Variants in CDC42SE2 observed in about 807,000 individuals in gnomAD.
CDC42SE2 encodes CDC42 small effector 2.
A neutral mutation model predicts 11.5 loss-of-function variants in CDC42SE2; 3 were observed. The observed-to-expected ratio is 0.26, with a 90% CI of 0.12 to 0.67. The LOEUF is 0.67. Among genes scored for constraint, CDC42SE2 ranks in the 30% least tolerant of loss-of-function variants. The pLI, the probability that CDC42SE2 is intolerant of heterozygous loss-of-function variation, is 0.80. For missense variants in CDC42SE2, 82 were observed against 106.8 expected, an observed-to-expected ratio of 0.77 and a Z score of 1.02; for synonymous variants, 33 against 34.8, an observed-to-expected ratio of 0.95 and a Z score of 0.18.
At chr5:131,306,235 C>T (rs1357677079) in intron 1 of CDC42SE2, among the ~76,000 whole-genome samples, 1 of 152,132 alleles carries the variant, frequency 6.6e-6, no homozygotes, top group Non-Finnish European at 1.5e-5. Context: ...TCATTAGTCA[C>T]TTAATAGCTG....
intron 2 of CDC42SE2, among the ~76,000 whole-genome samples, chr5:131,319,833 C>T (rs112341930): frequency 0.051 from 7,701 of 151,774 alleles, 274 homozygotes; most frequent in Non-Finnish European, 0.08. Flanking sequence ...AGGCGGATCA[C>T]GAGGTCAGGA....
chr5:131,258,667 A>G (rs1179929103), intron 2 of CDC42SE2, among the ~76,000 whole-genome samples: 1 of 152,076 alleles, frequency 6.6e-6, no homozygotes, highest in African/African-American at 2.4e-5. Context: ...CATCTCCCAC[A>G]CCACGAGAGG....
At chr5:131,343,467 C>T (rs769078419) in intron 2 of CDC42SE2, among the ~76,000 whole-genome samples, 2 of 152,066 alleles carry the variant, frequency 1.3e-5, no homozygotes, top group Non-Finnish European at 2.9e-5. Context: ...AATTCCAGCA[C>T]CGTGGGAGGC....
At chr5:131,315,520 G>C (rs1431596392) in intron 1 of CDC42SE2, among the ~76,000 whole-genome samples, 1 of 152,196 alleles carries the variant, frequency 6.6e-6, no homozygotes, top group Non-Finnish European at 1.5e-5. Flanking sequence ...GAACTGCAGA[G>C]TCCCATCCAC....
chr5:131,300,782 C>CAA (rs1436586334), intron 1 of CDC42SE2, among the ~76,000 whole-genome samples: 21 of 87,386 alleles, frequency 2.4e-4, no homozygotes, highest in Non-Finnish European at 4.7e-4. Flanking sequence ...GACTCCGTCT[C>CAA]AAAAAAAAAA....
chr5:131,350,637 G>GTGTGTA (rs147203202), intron 2 of CDC42SE2, among the ~76,000 whole-genome samples: 1,780 of 147,650 alleles, frequency 0.012, 50 homozygotes, highest in Admixed American at 0.057. Flanking sequence ...GTGTGTGTGT[G>GTGTGTA]TATATATATA....
intron 1 of CDC42SE2, among the ~76,000 whole-genome samples, chr5:131,288,195 GC>G (rs1268152637): frequency 2.6e-5 from 4 of 151,748 alleles, no homozygotes; most frequent in Non-Finnish European, 5.9e-5. Context: ...CTACACTCCA[GC>G]CTGGGTGACA....
intron 1 of CDC42SE2, among the ~76,000 whole-genome samples, chr5:131,312,224 C>A (rs1305066484): frequency 6.6e-6 from 1 of 150,512 alleles, no homozygotes; most frequent in Non-Finnish European, 1.5e-5. Context: ...CAGTGTGCCC[C>A]TGCTGGGGGG....
At chr5:131,333,340 T>C (rs1580759782) in intron 2 of CDC42SE2, among the ~76,000 whole-genome samples, 1 of 152,220 alleles carries the variant, frequency 6.6e-6, no homozygotes, top group South Asian at 2.1e-4. Flanking sequence ...TCTGTTTTGG[T>C]ACCAGTACCA....
chr5:131,284,339 A>AC (rs1757298531), intron 1 of CDC42SE2, among the ~76,000 whole-genome samples: 1 of 152,238 alleles, frequency 6.6e-6, no homozygotes, highest in Admixed American at 6.5e-5. Flanking sequence ...TAAATTAGGT[A>AC]CATCTGCATA....
intron 2 of CDC42SE2, among the ~76,000 whole-genome samples, chr5:131,258,443 G>C (rs1022748490): frequency 6.6e-6 from 1 of 152,108 alleles, no homozygotes. Flanking sequence ...TCTGTAACTT[G>C]ACATAGCAGA....
chr5:131,335,962 A>G (rs982176795), intron 2 of CDC42SE2, among the ~76,000 whole-genome samples: 1 of 152,144 alleles, frequency 6.6e-6, no homozygotes, highest in Non-Finnish European at 1.5e-5. Flanking sequence ...CATTTAGCCC[A>G]TTTACATTTA....
intron 2 of CDC42SE2, among the ~76,000 whole-genome samples, chr5:131,256,440 A>G (rs762488660): frequency 1.1e-4 from 16 of 152,202 alleles, no homozygotes; most frequent in Non-Finnish European, 1.9e-4. Flanking sequence ...TGTGTGACAA[A>G]TTAATATAAA....
intron 2 of CDC42SE2, among the ~76,000 whole-genome samples, chr5:131,340,816 TAC>T (rs1758694626): frequency 6.6e-6 from 1 of 152,218 alleles, no homozygotes; most frequent in East Asian, 1.9e-4. Context: ...TAGCTGGAAT[TAC>T]AGGCATGTAC....
At chr5:131,287,439 A>C (rs1401321349) in intron 1 of CDC42SE2, among the ~76,000 whole-genome samples, 1 of 151,816 alleles carries the variant, frequency 6.6e-6, no homozygotes, top group African/African-American at 2.4e-5. Flanking sequence ...ATTGGAAGTA[A>C]ATGGATGTTT....
chr5:131,378,502 C>G (rs1476092280), intron 3 of CDC42SE2, among the ~76,000 whole-genome samples: 1 of 152,174 alleles, frequency 6.6e-6, no homozygotes, highest in African/African-American at 2.4e-5. Flanking sequence ...TAGCTTATTT[C>G]AGAGGTTCCC....
chr5:131,264,494 C>T (rs1031143371), intron 1 of CDC42SE2, among the ~76,000 whole-genome samples: 5 of 151,794 alleles, frequency 3.3e-5, no homozygotes, highest in African/African-American at 1.2e-4. Context: ...AAGGCAGACC[C>T]CCCCCCTCCC....
At position 131,388,569 on chromosome 5, in the gene CDC42SE2, T is replaced by TA. The variant is rs747432895; in HGVS notation, c.157-2420dup. On this transcript the variant is annotated intron_variant, in intron 4 of 4. Coordinates refer to ENST00000505065, the MANE Select transcript of CDC42SE2 (RefSeq NM_001375635.1). Reference sequence around the variant, plus strand: ...ATTATTCTTCTACCTTTACTTAGTGTAAAAGACTCTTTTCTACTACCCTCT... The same window carrying TA: ...ATTATTCTTCTACCTTTACTTAGTGTAAAAAGACTCTTTTCTACTACCCTCT... 7.7e-4 allele frequency among the ~76,000 whole-genome samples: 117 copies of TA among 152,328 alleles called. 1 individual carries two copies. Among genetic ancestry groups the TA allele is most frequent in the Non-Finnish European group, 1.5e-3 (100 of 68,036 alleles).
chr5:131,235,479 G>A, the CDC42SE2 span, among the ~76,000 whole-genome samples: 12,464 of 151,362 alleles, frequency 0.082, 1,101 homozygotes, highest in African/African-American at 0.22. Flanking sequence ...TAGTAGAGAC[G>A]GGGTTTCACC....
Sources: gnomAD v4.1 joint callset for allele counts (sites outside exome capture counted in the v4.1 genomes callset) on GRCh38, gnomAD v4.1.1 for gene constraint, MANE v1.5 for transcripts, NCBI Gene and HGNC (gene_info 2026-07-23, HGNC 2026-07-21) for gene names.